Variants in PEAK1 observed in about 807,000 individuals in gnomAD.
PEAK1 encodes inactive tyrosine-protein kinase PEAK1.
PEAK1 carries 54 observed loss-of-function variants against 124.7 expected under a neutral mutation model. The ratio of observed to expected loss-of-function variants is 0.43; its 90% CI spans 0.35 to 0.54. The LOEUF (loss-of-function observed/expected upper bound fraction) is 0.54. PEAK1 is among the 20% of genes least tolerant of loss of function. The probability of loss-of-function intolerance (pLI) is 0.01; values close to 1 mark genes in which losing one functional copy is unlikely to be tolerated. For synonymous variants in PEAK1, 719 were observed against 760.0 expected (o/e 0.95, Z 0.89); for missense variants, 2,046 against 2,134.5 (o/e 0.96, Z 0.82).
intron 2 of PEAK1, among the ~76,000 whole-genome samples, chr15:77,313,726 G>GTGTATATATATATA (rs1462211130): frequency 1.3e-4 from 14 of 108,584 alleles, no homozygotes; most frequent in East Asian, 1.0e-3. Context: ...GTGTGTGTGT[G>GTGTATATATATATA]TATATATATA....
rs148285444 is a variant in PEAK1 at position 77,269,195 on chromosome 15, G to A, written c.-275+14688C>T. 2.2e-3 allele frequency among the ~76,000 whole-genome samples: 342 copies of A among 152,022 alleles called. 2 individuals carry two copies. Among genetic ancestry groups the A allele is most frequent in the Middle Eastern group, 6.9e-3 (2 of 290 alleles). On this transcript the variant is annotated intron_variant, in intron 5 of 9. Coordinates refer to ENST00000682557, the MANE Select transcript of PEAK1 (RefSeq NM_001385026.1). ...ATACTAATGTTGAAAGTAATGGGCC[G>A]AAATGCTCCACTTAAAAGACAGAGA... is the stretch of plus-strand genomic sequence containing the variant.
At chr15:77,136,471 G>T (rs981070031) in intron 8 of PEAK1, among the ~76,000 whole-genome samples, 1 of 152,058 alleles carries the variant, frequency 6.6e-6, no homozygotes, top group African/African-American at 2.4e-5. Flanking sequence ...TTTGAGACCA[G>T]CCTGGCCAAC....
intron 9 of PEAK1, among the ~76,000 whole-genome samples, chr15:77,116,561 A>T (rs74364657): frequency 0.023 from 3,341 of 143,200 alleles, 102 homozygotes; most frequent in African/African-American, 0.073. Context: ...CAAATAGATT[A>T]AAAAAAAAAA....
chr15:77,180,741 C>T lies in PEAK1; in HGVS notation c.1186G>A (p.Asp396Asn). ...NYESPSSNNQ[D>N]KDSSQASKSS... Reference sequence around the variant, plus strand: ...TTGGAAGCCTGTGATGAATCTTTATCCTGATTATTACTAGAGGGACTTTCA... The same window carrying T: ...TTGGAAGCCTGTGATGAATCTTTATTCTGATTATTACTAGAGGGACTTTCA... The change falls in exon 7 of 10, where the codon GAT (aspartate) becomes AAT (asparagine). Residue 396 changes from aspartate to asparagine, a missense_variant. By Grantham distance (23) the Asp-to-Asn change is conservative. Coordinates refer to ENST00000682557, the MANE Select transcript of PEAK1 (RefSeq NM_001385026.1). 1.2e-6 allele frequency: 2 copies of T among 1,614,066 alleles called. No individual in the cohort carries two copies. The highest frequency in any genetic ancestry group is 1.7e-6 in the Non-Finnish European group (2 of 1,179,992).
intron 6 of PEAK1, among the ~76,000 whole-genome samples, chr15:77,228,316 C>A (rs2059766461): frequency 6.6e-6 from 1 of 152,070 alleles, no homozygotes; most frequent in African/African-American, 2.4e-5. Flanking sequence ...CGAGTGGGCT[C>A]ACAAAAATTA....
At chr15:77,239,718 A>T in intron 6 of PEAK1, 1 of 499,580 alleles carries the variant, frequency 2.0e-6, no homozygotes. Context: ...GACAATCATT[A>T]CCAGATTTAC....
intron 1 of PEAK1, among the ~76,000 whole-genome samples, chr15:77,395,751 C>G (rs2070831164): frequency 6.6e-6 from 1 of 151,972 alleles, no homozygotes; most frequent in African/African-American, 2.4e-5. Flanking sequence ...TAAGGGCTTT[C>G]CCAGACAAAC....
Position 77,182,749 on chromosome 15 carries a change from C to CAAAAAAAAAAAAAA in PEAK1, c.-114-723_-114-710dup, listed in dbSNP as rs71143395. The stretch of plus-strand genomic sequence containing the variant: ...TGGGTGACAGAGTGAGACCTTGTCT[C>CAAAAAAAAAAAAAA]AAAAAAAAAAAAAAAAAAAAGGCTG... On this transcript the variant is annotated intron_variant, in intron 6 of 9. Coordinates refer to ENST00000682557, the MANE Select transcript of PEAK1 (RefSeq NM_001385026.1). 5.5e-4 allele frequency among the ~76,000 whole-genome samples: 36 copies of CAAAAAAAAAAAAAA among 65,126 alleles called. 1 individual carries two copies. Among genetic ancestry groups the CAAAAAAAAAAAAAA allele is most frequent in the Admixed American group, 1.3e-3 (6 of 4,526 alleles). 42.7% of individuals were successfully genotyped at this position (65,126 alleles called of 152,430 possible).
At chr15:77,146,484 A>C (rs1048264430) in intron 8 of PEAK1, among the ~76,000 whole-genome samples, 12 of 152,332 alleles carry the variant, frequency 7.9e-5, no homozygotes, top group African/African-American at 2.9e-4. Context: ...CTCCAAAAAC[A>C]GAGATTATTT....
chr15:77,345,936 T>C (rs2066849543), intron 2 of PEAK1: 1 of 985,186 alleles, frequency 1.0e-6, no homozygotes, highest in African/African-American at 1.7e-5. Flanking sequence ...ATATTAATTA[T>C]AGCACATAGC....
intron 1 of PEAK1, among the ~76,000 whole-genome samples, chr15:77,409,439 T>A (rs2072215081): frequency 1.3e-5 from 2 of 152,172 alleles, no homozygotes; most frequent in South Asian, 4.1e-4. Flanking sequence ...GTGGTAAAGA[T>A]GAGATTCAGC....
intron 7 of PEAK1, among the ~76,000 whole-genome samples, chr15:77,165,763 A>G (rs2056050046): frequency 6.6e-6 from 1 of 152,188 alleles, no homozygotes; most frequent in Non-Finnish European, 1.5e-5. Context: ...GCATTTTTCC[A>G]CTTAATTCAT....
chr15:77,266,893 C>T (rs958287119), intron 5 of PEAK1, among the ~76,000 whole-genome samples: 3 of 151,844 alleles, frequency 2.0e-5, no homozygotes, highest in African/African-American at 7.3e-5. Context: ...AACTCTGAGT[C>T]AGCTTGTTTT....
rs371652980 is a variant in PEAK1, at chr15:77,249,160, T to C, written c.-115+3207A>G. Among the ~76,000 whole-genome samples the C allele has an allele frequency of 2.0e-5, 3 of 152,028 alleles. No individual in the cohort carries two copies. The East Asian group carries it at 5.8e-4, about 29-fold the overall frequency. On this transcript the variant is annotated intron_variant, in intron 6 of 9. Transcript: ENST00000682557. ...GAAATTTTTTTTTTTTCTGGACAAA[T>C]TGCACATAGGCTTCCCTATAAAAGG...
intron 8 of PEAK1, among the ~76,000 whole-genome samples, chr15:77,145,071 T>C (rs1241888808): frequency 2.0e-5 from 3 of 152,214 alleles, no homozygotes; most frequent in Admixed American, 2.0e-4. Flanking sequence ...TTTGGACAAA[T>C]ATGTTTGACT....
At position 77,181,526 on chromosome 15, in the gene PEAK1, C is replaced by T; in HGVS notation, c.401G>A (p.Gly134Asp). The change falls in exon 7 of 10, where the codon GGC (glycine) becomes GAC (aspartate). Residue 134 changes from glycine to aspartate, a missense_variant. Transcript: ENST00000682557. ...CATCTTCTTTGCACTATCATTATTG[C>T]CATAAGGCTTAGGAACATGGCTAAT... The part of the protein sequence containing the change: ...EGISHVPKPY[G>D]NNDSAKKMSD... The T allele has an allele frequency of 6.2e-7, 1 of 1,614,060 alleles. No homozygotes were observed. Among genetic ancestry groups the T allele is most frequent in the Non-Finnish European group, 8.5e-7 (1 of 1,180,016 alleles).
chr15:77,268,111 T>C (rs2061836236), intron 5 of PEAK1, among the ~76,000 whole-genome samples: 1 of 152,176 alleles, frequency 6.6e-6, no homozygotes, highest in Non-Finnish European at 1.5e-5. Flanking sequence ...GAAGAAAGAA[T>C]ATCAAGTTTG....
intron 2 of PEAK1, among the ~76,000 whole-genome samples, chr15:77,305,796 C>T (rs956369647): frequency 3.9e-5 from 6 of 152,178 alleles, no homozygotes; most frequent in African/African-American, 1.4e-4. Flanking sequence ...TTCCCGCATA[C>T]TTTAAATCAT....
intron 2 of PEAK1, among the ~76,000 whole-genome samples, chr15:77,297,757 CAAA>C (rs370114659): frequency 3.5e-5 from 3 of 85,398 alleles, no homozygotes; most frequent in Admixed American, 1.4e-4. Flanking sequence ...GATTTTGCCT[CAAA>C]AAAAAAAAAA....
Sources: allele counts gnomAD v4.1 joint callset (sites outside exome capture counted in the v4.1 genomes callset), GRCh38; gene constraint gnomAD v4.1.1; transcripts MANE v1.5; gene names NCBI Gene and HGNC (gene_info 2026-07-23, HGNC 2026-07-21).